NIPAL4: variants seen among roughly 807,000 people sequenced by gnomAD.
The protein encoded by NIPAL4 is magnesium transporter NIPA4.
A neutral mutation model predicts 31.6 loss-of-function variants in NIPAL4; 21 were observed. The observed-to-expected ratio is 0.67, with a 90% confidence interval of 0.47 to 0.96. NIPAL4 has a LOEUF of 0.96. NIPAL4 is among the 40% of genes least tolerant of loss of function. NIPAL4 has a pLI of 0.00. For synonymous variants in NIPAL4, 175 were observed against 211.1 expected, an observed-to-expected ratio of 0.83 and a Z score of 1.48; for missense variants, 438 against 508.0, an observed-to-expected ratio of 0.86 and a Z score of 1.32.
chr5:157,473,034 A>G lies in NIPAL4; in HGVS notation c.*74A>G. On this transcript the variant is annotated 3_prime_UTR_variant, in exon 6 of 6. Coordinates refer to ENST00000311946, the MANE Select transcript of NIPAL4 (RefSeq NM_001099287.2). ...CTCCCAATTTCAAAACCACCTGGTT[A>G]TTTTCCAGTGCAACTGTTACCAATG... is the stretch of plus-strand genomic sequence containing the variant. The G allele has an allele frequency of 7.7e-7, 1 of 1,292,488 alleles. No homozygotes were observed. The allele number at this position is 1,292,488 out of a possible 1,614,324, so 80.1% of individuals were successfully genotyped here.
At chr5:157,462,982 T>C (rs1754148183) in intron 1 of NIPAL4, 112 bp from the exon 2 acceptor site, 1 of 1,376,754 alleles carries the variant, frequency 7.3e-7, no homozygotes, top group Non-Finnish European at 1.0e-6. Context: ...GGTATATGGG[T>C]ATAGCCCTGC....
intron 2 of NIPAL4, among the ~76,000 whole-genome samples, chr5:157,465,249 G>T (rs949672325): frequency 2.6e-5 from 4 of 152,176 alleles, no homozygotes; most frequent in African/African-American, 9.7e-5. Flanking sequence ...ATTTCTGCTT[G>T]TGTTCAGAGA....
At chr5:157,460,613 G>C (rs1754070934) in intron 1 of NIPAL4, 1 of 662,356 alleles carries the variant, frequency 1.5e-6, no homozygotes. Flanking sequence ...GGGGTTAGTG[G>C]GGGGCAGGCA....
chr5:157,472,421 A>G lies in NIPAL4; in HGVS notation c.676A>G (p.Ile226Val). 1 of 1,613,384 alleles carries G rather than the reference A, an allele frequency of 6.2e-7. No homozygotes were observed. Among genetic ancestry groups the G allele is most frequent in the Admixed American group, 1.7e-5 (1 of 59,960 alleles). The change falls in exon 6 of 6, where the codon ATC becomes GTC. Residue 226 changes from isoleucine to valine, a missense_variant. Coordinates refer to ENST00000311946, the MANE Select transcript of NIPAL4 (RefSeq NM_001099287.2). Reference protein sequence around the residue: ...APRYGQRNILIYIIICSVIGA... With the variant: ...APRYGQRNILVYIIICSVIGA... Reference sequence around the variant, plus strand: ...ACGTTACGGGCAAAGGAATATCCTCATCTACATCATCATCTGCTCTGTGAT... The same window carrying G: ...ACGTTACGGGCAAAGGAATATCCTCGTCTACATCATCATCTGCTCTGTGAT...
chr5:157,466,809 G>A (rs1754286321), intron 2 of NIPAL4, among the ~76,000 whole-genome samples: 2 of 152,218 alleles, frequency 1.3e-5, no homozygotes, highest in Admixed American at 6.5e-5. Flanking sequence ...GAGGAGATGT[G>A]AAGTAAGCAG....
chr5:157,472,938 A>G lies in NIPAL4; in HGVS notation c.1193A>G (p.Lys398Arg), dbSNP rs766565812. The G allele has an allele frequency of 9.2e-6, 14 of 1,517,344 alleles. No individual in the cohort carries two copies. The Admixed American group carries it at 1.3e-4, about 14-fold the overall frequency. The allele number at this position is 1,517,344 out of a possible 1,614,324, so 94.0% of individuals were successfully genotyped here. Residue 398 changes from lysine to arginine, a missense_variant, in exon 6 of 6, where the codon AAA becomes AGA. Lys to Arg is a conservative substitution (Grantham distance 26). Transcript: ENST00000311946. The stretch of plus-strand genomic sequence containing the variant: ...ACCTCATCACCAGAAGAGAAACCCA[A>G]AGTATTTATAATCCATTCCTGAAGC... ...ASTSSPEEKPKVFIIHS is the reference protein window; with the variant it reads ...ASTSSPEEKPRVFIIHS
At chr5:157,472,207 A>G (rs1391651852) in intron 5 of NIPAL4, 125 bp from the exon 6 acceptor site, 2 of 886,362 alleles carry the variant, frequency 2.3e-6, no homozygotes, top group Non-Finnish European at 3.5e-6. Flanking sequence ...CTGGGACTGG[A>G]ACCCGGGTTT....
Position 157,474,628 on chromosome 5 carries a change from C to A in NIPAL4, c.*1668C>A, listed in dbSNP as rs747409967. The A allele has an allele frequency of 6.6e-6, 1 of 152,208 alleles. No individual in the cohort carries two copies. The highest frequency in any genetic ancestry group is 1.5e-5 in the Non-Finnish European group (1 of 68,044). The allele number at this position is 152,208 out of a possible 1,614,324, so 9.4% of individuals were successfully genotyped here. On this transcript the variant is annotated 3_prime_UTR_variant, in exon 6 of 6. Transcript: ENST00000311946. Reference sequence around the variant, plus strand: ...TTTCTGTCTGTAATTAAAAGCAATGCAACAAGTTGGCTCTTGAGAATGGCA... The same window carrying A: ...TTTCTGTCTGTAATTAAAAGCAATGAAACAAGTTGGCTCTTGAGAATGGCA...
At chr5:157,466,990 A>C (rs1008927019) in intron 2 of NIPAL4, 59 bp from the exon 3 acceptor site, 15 of 1,298,064 alleles carry the variant, frequency 1.2e-5, no homozygotes, top group African/African-American at 1.5e-5. Context: ...GAGTTAGGAA[A>C]GGTACCTGAG....
In NIPAL4 at chr5:157,471,545, T is replaced by G. The variant is rs1396189953; in HGVS notation, c.426-112T>G. On this transcript the variant is annotated intron_variant, in intron 4 of 5. Coordinates refer to ENST00000311946, the MANE Select transcript of NIPAL4 (RefSeq NM_001099287.2). ...GAAGAAAACCTTCCACGTGAGAAACTAGTGAGTTCTGATCTGTTGTTCTCT... is the reference window on the plus strand; with the variant it reads ...GAAGAAAACCTTCCACGTGAGAAACGAGTGAGTTCTGATCTGTTGTTCTCT... 3.8e-6 allele frequency: 3 copies of G among 790,414 alleles called. No homozygotes were observed. The South Asian group carries it at 6.9e-5, about 18-fold the overall frequency. The allele number at this position is 790,414 out of a possible 1,614,324, so 49.0% of individuals were successfully genotyped here. A position where few individuals can be genotyped will look rare whatever the true frequency, so the allele number is the denominator to read the frequency against.
chr5:157,471,074 G>T (rs748993411), intron 4 of NIPAL4, among the ~76,000 whole-genome samples: 4 of 152,224 alleles, frequency 2.6e-5, no homozygotes, highest in Non-Finnish European at 5.9e-5. Flanking sequence ...GCAGTGGGAA[G>T]CACAGATATT....
intron 2 of NIPAL4, among the ~76,000 whole-genome samples, chr5:157,465,268 T>C (rs1304821145): frequency 1.3e-5 from 2 of 152,218 alleles, no homozygotes; most frequent in Non-Finnish European, 2.9e-5. Flanking sequence ...GAAGGTATCA[T>C]TGACCATTCA....
In NIPAL4 at chr5:157,460,288, C is replaced by T. The variant is rs776554811; in HGVS notation, c.-33C>T. ...GGAGCTGGGGAGCCCGGGCGCCGTC[C>T]GCCCGCGCGTCGGTTCGTGTGCCCC... On this transcript the variant is annotated 5_prime_UTR_variant, in exon 1 of 6. Transcript: ENST00000311946. The T allele has an allele frequency of 4.3e-5, 66 of 1,545,756 alleles. 1 individual carries two copies. In the South Asian group the frequency reaches 7.7e-4, roughly 18 times the overall value.
chr5:157,461,911 A>G (rs1754120962), intron 1 of NIPAL4, among the ~76,000 whole-genome samples: 3 of 152,168 alleles, frequency 2.0e-5, no homozygotes, highest in African/African-American at 7.2e-5. Context: ...AAAGGTCAAC[A>G]TTGCCTTTAG....
At chr5:157,462,461 C>T (rs769682920) in intron 1 of NIPAL4, among the ~76,000 whole-genome samples, 2 of 151,322 alleles carry the variant, frequency 1.3e-5, no homozygotes, top group Non-Finnish European at 3.0e-5. Context: ...AGACCACCCT[C>T]TGCAACATAG....
At chr5:157,470,464 A>G (rs1160001916) in intron 4 of NIPAL4, among the ~76,000 whole-genome samples, 1 of 152,208 alleles carries the variant, frequency 6.6e-6, no homozygotes, top group African/African-American at 2.4e-5. Flanking sequence ...CTTGCTAGTC[A>G]TTTGACCTTG....
chr5:157,460,289 G>A lies in NIPAL4; in HGVS notation c.-32G>A. On this transcript the variant is annotated 5_prime_UTR_variant, in exon 1 of 6. Coordinates refer to ENST00000311946, the MANE Select transcript of NIPAL4 (RefSeq NM_001099287.2). ...GAGCTGGGGAGCCCGGGCGCCGTCC[G>A]CCCGCGCGTCGGTTCGTGTGCCCCG... 1.9e-6 allele frequency: 3 copies of A among 1,545,784 alleles called. No individual in the cohort carries two copies. Among genetic ancestry groups the A allele is most frequent in the South Asian group, 1.2e-5 (1 of 83,902 alleles).
chr5:157,461,925 G>C (rs1186061899), intron 1 of NIPAL4, among the ~76,000 whole-genome samples: 1 of 152,228 alleles, frequency 6.6e-6, no homozygotes, highest in African/African-American at 2.4e-5. Flanking sequence ...CCTTTAGTCT[G>C]TTCCACCAAG....
In NIPAL4 at chr5:157,473,273, C is replaced by A; in HGVS notation, c.*313C>A. On this transcript the variant is annotated 3_prime_UTR_variant, in exon 6 of 6. Coordinates refer to ENST00000311946, the MANE Select transcript of NIPAL4 (RefSeq NM_001099287.2). ...CCGTTGGGAAGAAGATGGAGTCTGA[C>A]CCACTGAATGTAGCACAGTCCAAGG... 3.5e-6 allele frequency: 1 copy of A among 289,538 alleles called. No individual in the cohort carries two copies. The highest frequency in any genetic ancestry group is 9.9e-5 in the South Asian group (1 of 10,122). The allele number at this position is 289,538 out of a possible 1,614,324, so 17.9% of individuals were successfully genotyped here.
Sources: gnomAD v4.1 joint callset for allele counts (sites outside exome capture counted in the v4.1 genomes callset) on GRCh38, gnomAD v4.1.1 for gene constraint, MANE v1.5 for transcripts, NCBI Gene and HGNC (gene_info 2026-07-23, HGNC 2026-07-21) for gene names.